RTEL1: variants seen among roughly 807,000 people sequenced by gnomAD.
RTEL1 encodes regulator of telomere length.
RTEL1 carries 86 observed loss-of-function variants against 162.2 expected under a neutral mutation model. The ratio of observed to expected loss-of-function variants is 0.53; its 90% confidence interval spans 0.45 to 0.63. RTEL1 has a LOEUF of 0.63. Ranked by LOEUF, RTEL1 falls within the 30% of genes least tolerant of loss-of-function variation. The pLI, the probability that RTEL1 is intolerant of heterozygous loss-of-function variation, is 0.00. For missense variants in RTEL1, 1,941 were observed against 1,750.2 expected (o/e 1.11, Z -1.95); for synonymous variants, 958 against 717.9 (o/e 1.33, Z -5.35).
chr20:63,659,550 C>T lies in RTEL1; in HGVS notation c.102+46C>T, dbSNP rs574193419. 85 of 1,419,410 alleles carry T rather than the reference C, an allele frequency of 6.0e-5. 1 individual carries two copies. The African/African-American group carries it at 8.3e-4, about 14-fold the overall frequency. The allele number at this position is 1,419,410 out of a possible 1,614,324, so 87.9% of individuals were successfully genotyped here. ...AAAGGACTGCGGGTGGGTGGAGCTTCAGCCAGGACGGGGTGTGCTTCCCTC... is the reference window on the plus strand; with the variant it reads ...AAAGGACTGCGGGTGGGTGGAGCTTTAGCCAGGACGGGGTGTGCTTCCCTC... On this transcript the variant is annotated intron_variant, in intron 2 of 34. Coordinates refer to ENST00000360203, the MANE Select transcript of RTEL1 (RefSeq NM_001283009.2).
intron 28 of RTEL1, 86 bp from the exon 29 acceptor site, chr20:63,692,719 G>C: frequency 1.5e-6 from 2 of 1,321,420 alleles, no homozygotes; most frequent in East Asian, 2.4e-5. Flanking sequence ...CCCAGGGAAC[G>C]CTCAATGTTC....
intron 9 of RTEL1, among the ~76,000 whole-genome samples, chr20:63,673,453 T>G (rs1419496915): frequency 3.3e-5 from 5 of 152,160 alleles, no homozygotes; most frequent in African/African-American, 1.2e-4. Context: ...TTTGTTTGTT[T>G]GTTGAGACAG....
rs763959402 is a variant in RTEL1, at chr20:63,693,144, C to G, written c.2853C>G (p.Gly951=). The change falls in exon 30 of 35, where the codon GGC becomes GGG. Residue 951 remains glycine, a splice_region_variant and synonymous_variant. Coordinates refer to ENST00000360203, the MANE Select transcript of RTEL1 (RefSeq NM_001283009.2). Reference sequence around the variant, plus strand: ...GGACAGACGCCCCTTCCTCTACAGGCTTCTACCAGTTTGTGCGGCCCCACC... The same window carrying G: ...GGACAGACGCCCCTTCCTCTACAGGGTTCTACCAGTTTGTGCGGCCCCACC... ...EDPKKHNLLQ[G]FYQFVRPHHK... is the part of the protein sequence containing the mutation. 6 of 1,612,230 alleles carry G rather than the reference C, an allele frequency of 3.7e-6. No homozygotes were observed. Among genetic ancestry groups the G allele is most frequent in the Non-Finnish European group, 4.2e-6 (5 of 1,179,590 alleles).
intron 8 of RTEL1, among the ~76,000 whole-genome samples, chr20:63,671,792 A>G (rs370695302): frequency 5.4e-5 from 8 of 147,386 alleles, no homozygotes; most frequent in African/African-American, 2.0e-4. Flanking sequence ...TGCCCGGCCA[A>G]TGTGTGAAAA....
chr20:63,695,888 CG>C lies in RTEL1; in HGVS notation c.*31del, dbSNP rs1568727704. 1 of 1,552,014 alleles carries C rather than the reference CG, an allele frequency of 6.4e-7. No individual in the cohort carries two copies. Among genetic ancestry groups the C allele is most frequent in the East Asian group, 2.4e-5 (1 of 42,104 alleles). On this transcript the variant is annotated 3_prime_UTR_variant, in exon 35 of 35. Transcript: ENST00000360203. Reference sequence around the variant, plus strand: ...CCACGGAGGCCCCCAGCACACCCAACGTGGCTTGATCACCTGCCTGTCCAGC... The same window carrying C: ...CCACGGAGGCCCCCAGCACACCCAACTGGCTTGATCACCTGCCTGTCCAGC...
intron 6 of RTEL1, among the ~76,000 whole-genome samples, chr20:63,665,691 G>A (rs1203496586): frequency 6.6e-6 from 1 of 152,110 alleles, no homozygotes; most frequent in Non-Finnish European, 1.5e-5. Context: ...GAGTGTAGCC[G>A]CCACTCCTGT....
chr20:63,668,097 C>T lies in RTEL1; in HGVS notation c.699+544C>T, dbSNP rs77458983. On this transcript the variant is annotated intron_variant, in intron 8 of 34. Coordinates refer to ENST00000360203, the MANE Select transcript of RTEL1 (RefSeq NM_001283009.2). The surrounding 1 kb of genome is among the most constrained non-coding windows in gnomAD (Gnocchi z 4.3). Reference sequence around the variant, plus strand: ...CCCCACTCCCTTCCGCCCCGTGTGCCCAGCCCCACGCTCACTCCCCCCGCC... The same window carrying T: ...CCCCACTCCCTTCCGCCCCGTGTGCTCAGCCCCACGCTCACTCCCCCCGCC... Among the ~76,000 whole-genome samples, 55 of 149,496 alleles carry T rather than the reference C, an allele frequency of 3.7e-4. 2 individuals are homozygous for T. The East Asian group carries it at 0.011, about 30-fold the overall frequency.
At chr20:63,684,079 C>T (rs374519467) in intron 14 of RTEL1, among the ~76,000 whole-genome samples, 2 of 152,052 alleles carry the variant, frequency 1.3e-5, no homozygotes, top group Admixed American at 6.6e-5. Flanking sequence ...TTGTGCCTCC[C>T]GACCAAGATG....
rs140718456 is a variant in RTEL1 at position 63,678,972 on chromosome 20, C to G, written c.1037+626C>G. 3.6e-3 allele frequency among the ~76,000 whole-genome samples: 552 copies of G among 152,298 alleles called. 4 individuals are homozygous for G. Among genetic ancestry groups the G allele is most frequent in the African/African-American group, 0.012 (519 of 41,556 alleles). On this transcript the variant is annotated intron_variant, in intron 12 of 34. Transcript: ENST00000360203. ...GGGTTTCCTGCAGTTTCTCCTCCTC[C>G]AGGCCTTTCCCTGGACCCTGGTCCA...
chr20:63,689,821 C>A lies in RTEL1; in HGVS notation c.2097C>A (p.Ile699=). Residue 699 remains isoleucine (I), a synonymous_variant, in exon 24 of 35, where the codon ATC becomes ATA. Transcript: ENST00000360203. ...RAVNQAIGRV[I]RHRQDYGAVF... The stretch of plus-strand genomic sequence containing the variant: ...TGAACCAGGCCATCGGGCGAGTGAT[C>A]CGGCACCGCCAGGACTACGGAGCTG... 6.2e-7 allele frequency: 1 copy of A among 1,611,826 alleles called. No homozygotes were observed. The highest frequency in any genetic ancestry group is 1.1e-5 in the South Asian group (1 of 91,074).
rs745788486 is a variant in RTEL1, at chr20:63,672,628, C to T, written c.765+7C>T. On this transcript the variant is annotated splice_region_variant and intron_variant, in intron 9 of 34. Transcript: ENST00000360203. ...TGACGAAGCTCACAACGTGGTGAGT[C>T]TCCGCTGGCCTCCTAAACACCTCCT... is the stretch of plus-strand genomic sequence containing the variant. 6.4e-7 allele frequency: 1 copy of T among 1,573,502 alleles called. No individual in the cohort carries two copies. The highest frequency in any genetic ancestry group is 2.3e-5 in the East Asian group (1 of 43,690).
chr20:63,671,680 A>G (rs2090245716), intron 8 of RTEL1, among the ~76,000 whole-genome samples: 1 of 145,840 alleles, frequency 6.9e-6, no homozygotes, highest in Non-Finnish European at 1.5e-5. Flanking sequence ...TTTAGTAGAG[A>G]CGGGGTTTCA....
chr20:63,694,570 C>A (rs369703622), intron 31 of RTEL1, 82 bp downstream of exon 31: 2 of 1,318,168 alleles, frequency 1.5e-6, no homozygotes, highest in Admixed American at 4.0e-5. Context: ...TGAGTGTGGC[C>A]GGGGCTGCCC....
chr20:63,663,487 C>G (rs764198900), intron 6 of RTEL1, among the ~76,000 whole-genome samples: 1 of 152,226 alleles, frequency 6.6e-6, no homozygotes, highest in Non-Finnish European at 1.5e-5. Context: ...GCAGCTTGCC[C>G]TGTGACTGCA....
At chr20:63,677,577 C>T (rs1432812844) in intron 10 of RTEL1, among the ~76,000 whole-genome samples, 2 of 152,216 alleles carry the variant, frequency 1.3e-5, no homozygotes, top group Non-Finnish European at 2.9e-5. Flanking sequence ...GGCGCTGCTG[C>T]ACCCCTGCCT....
chr20:63,688,348 T>A lies in RTEL1; in HGVS notation c.1684T>A (p.Ser562Thr). 1 of 1,612,526 alleles carries A rather than the reference T, an allele frequency of 6.2e-7. No individual in the cohort carries two copies. Among genetic ancestry groups the A allele is most frequent in the African/African-American group, 1.3e-5 (1 of 75,030 alleles). ...CTATGGGCTCCTGATCTTCTTCCCT[T>A]CCTATCCTGTCATGGAGAAGAGCCT... ...VPYGLLIFFP[S>T]YPVMEKSLEF... Residue 562 changes from serine (S) to threonine (T), a missense_variant, in exon 20 of 35, where the codon TCC (serine) becomes ACC (threonine). Physicochemically the swap from Ser to Thr is moderately conservative, Grantham distance 58. Transcript: ENST00000360203.
intron 7 of RTEL1, among the ~76,000 whole-genome samples, 168 bp downstream of exon 7, chr20:63,666,247 T>C (rs528645695): frequency 3.3e-5 from 5 of 152,220 alleles, no homozygotes; most frequent in African/African-American, 1.2e-4. Context: ...GAAGATAGAG[T>C]AAAAAATTGT....
Position 63,684,510 on chromosome 20 carries a change from C to T in RTEL1, c.1192-1013C>T, listed in dbSNP as rs541496977. Reference sequence around the variant, plus strand: ...CTGGGATTATAGGCACCTGCCACCACGCCTGGCTAATTTTTTGTATTTTTA... The same window carrying T: ...CTGGGATTATAGGCACCTGCCACCATGCCTGGCTAATTTTTTGTATTTTTA... On this transcript the variant is annotated intron_variant, in intron 14 of 34. Coordinates refer to ENST00000360203, the MANE Select transcript of RTEL1 (RefSeq NM_001283009.2). Among the ~76,000 whole-genome samples the T allele has an allele frequency of 1.7e-3, 256 of 152,266 alleles. 2 individuals are homozygous for T. The highest frequency in any genetic ancestry group is 2.5e-3 in the Non-Finnish European group (173 of 68,020).
At position 63,688,197 on chromosome 20, in the gene RTEL1, C is replaced by T. The variant is rs1046035407; in HGVS notation, c.1636+18C>T. 4 of 1,611,172 alleles carry T rather than the reference C, an allele frequency of 2.5e-6. No homozygotes were observed. The highest frequency in any genetic ancestry group is 1.1e-5 in the South Asian group (1 of 91,088). On this transcript the variant is annotated intron_variant, in intron 19 of 34. Transcript: ENST00000360203. The stretch of plus-strand genomic sequence containing the variant: ...GGCTCTGGGTGAGTGCCCTGAATGC[C>T]CCAGCTGTGCCCATCCTGGATCCTG...
Sources: gnomAD v4.1 joint callset for allele counts (sites outside exome capture counted in the v4.1 genomes callset) on GRCh38, gnomAD v4.1.1 for gene constraint, Gnocchi (gnomAD v3.1) non-coding constraint, MANE v1.5 for transcripts, NCBI Gene and HGNC (gene_info 2026-07-23, HGNC 2026-07-21) for gene names.